The following ST6GALNAC3 variants were observed in gnomAD, a reference collection of about 807,000 sequenced individuals.
The protein encoded by ST6GALNAC3 is ST6 N-acetylgalactosaminide alpha-2,6-sialyltransferase 3, also known as alpha-N-acetylgalactosaminide alpha-2,6-sialyltransferase 3.
Under a neutral mutation model 32.7 loss-of-function variants are expected in ST6GALNAC3, and 25 were observed. The ratio of observed to expected loss-of-function variants is 0.76; its 90% confidence interval spans 0.56 to 1.07. The LOEUF is 1.07. Ranked by LOEUF, ST6GALNAC3 falls within the 50% of genes least tolerant of loss-of-function variation. ST6GALNAC3 has a pLI of 0.00. For missense variants in ST6GALNAC3, 355 were observed against 382.4 expected (o/e 0.93, Z 0.60); for synonymous variants, 129 against 133.1 (o/e 0.97, Z 0.21).
chr1:76,231,589 T>C (rs140976537), intron 1 of ST6GALNAC3, among the ~76,000 whole-genome samples: 1 of 152,342 alleles, frequency 6.6e-6, no homozygotes, highest in African/African-American at 2.4e-5. Flanking sequence ...AGTGAAATCA[T>C]GCTATATCTT....
chr1:76,547,957 T>C (rs1338788452), intron 3 of ST6GALNAC3, among the ~76,000 whole-genome samples: 3 of 151,924 alleles, frequency 2.0e-5, no homozygotes, highest in African/African-American at 4.8e-5. Context: ...AACAGCCAGC[T>C]CCCCTTGCTT....
intron 1 of ST6GALNAC3, among the ~76,000 whole-genome samples, chr1:76,160,463 T>C (rs1247686662): frequency 6.6e-6 from 1 of 152,180 alleles, no homozygotes; most frequent in African/African-American, 2.4e-5. Context: ...GATGTGGCAG[T>C]AGAAGTGCTG....
intron 1 of ST6GALNAC3, among the ~76,000 whole-genome samples, chr1:76,154,129 A>G (rs1228398794): frequency 6.6e-6 from 1 of 152,112 alleles, no homozygotes; most frequent in Non-Finnish European, 1.5e-5. Context: ...CACCCCTGGA[A>G]TTTTCTCTTG....
chr1:76,139,063 A>G (rs1002711697), intron 1 of ST6GALNAC3, among the ~76,000 whole-genome samples: 9 of 152,116 alleles, frequency 5.9e-5, no homozygotes, highest in Non-Finnish European at 1.2e-4. Flanking sequence ...GCGTGGTGGC[A>G]GACGCCTGTA....
intron 1 of ST6GALNAC3, among the ~76,000 whole-genome samples, chr1:76,248,843 A>T (rs1657455147): frequency 6.6e-6 from 1 of 151,252 alleles, no homozygotes; most frequent in South Asian, 2.1e-4. Context: ...TGGAAAGAGG[A>T]TGACACATTA....
At chr1:76,326,663 A>T (rs4949706) in intron 2 of ST6GALNAC3, among the ~76,000 whole-genome samples, 57,337 of 151,642 alleles carry the variant, frequency 0.38, 13,430 homozygotes, top group East Asian at 0.85. Flanking sequence ...TGTTTGCTAA[A>T]CTGTTATTCA....
At chr1:76,159,479 C>G (rs191275099) in intron 1 of ST6GALNAC3, among the ~76,000 whole-genome samples, 3 of 152,218 alleles carry the variant, frequency 2.0e-5, no homozygotes, top group Admixed American at 6.5e-5. Flanking sequence ...CCACCGCACC[C>G]GGTCTGGGCC....
At chr1:76,249,908 A>G (rs576046368) in intron 1 of ST6GALNAC3, among the ~76,000 whole-genome samples, 1 of 152,174 alleles carries the variant, frequency 6.6e-6, no homozygotes, top group East Asian at 1.9e-4. Flanking sequence ...TAATCTTTGG[A>G]TGAATGCATA....
At chr1:76,625,241 A>G (rs1648892668) in intron 3 of ST6GALNAC3, among the ~76,000 whole-genome samples, 1 of 151,938 alleles carries the variant, frequency 6.6e-6, no homozygotes, top group Non-Finnish European at 1.5e-5. Context: ...ATGTACTCTT[A>G]AGAAAATATT....
At chr1:76,080,719 A>C (rs761032941) in intron 1 of ST6GALNAC3, among the ~76,000 whole-genome samples, 1 of 152,192 alleles carries the variant, frequency 6.6e-6, no homozygotes, top group Non-Finnish European at 1.5e-5. Context: ...AAGCATTTGA[A>C]AACAGTATGG....
chr1:76,568,516 C>T (rs971592385), intron 3 of ST6GALNAC3, among the ~76,000 whole-genome samples: 2 of 152,208 alleles, frequency 1.3e-5, no homozygotes, highest in South Asian at 4.1e-4. Context: ...CCTGTGTAGT[C>T]GAATTGCAAT....
At chr1:76,317,190 C>G (rs2893412) in intron 2 of ST6GALNAC3, among the ~76,000 whole-genome samples, 20,774 of 152,140 alleles carry the variant, frequency 0.14, 1,675 homozygotes, top group Middle Eastern at 0.21. Context: ...TACCACCCTT[C>G]TCAATGATTT....
chr1:76,307,936 A>G (rs751879668), intron 1 of ST6GALNAC3: 3 of 514,450 alleles, frequency 5.8e-6, no homozygotes, highest in African/African-American at 1.9e-5. Flanking sequence ...CACTCTAAAG[A>G]GCAAGCAGCT....
chr1:76,329,201 T>G (rs1647139237), intron 2 of ST6GALNAC3, among the ~76,000 whole-genome samples: 1 of 152,196 alleles, frequency 6.6e-6, no homozygotes, highest in Non-Finnish European at 1.5e-5. Flanking sequence ...TGAGCCACCT[T>G]GACATTTCTC....
intron 1 of ST6GALNAC3, among the ~76,000 whole-genome samples, chr1:76,199,746 C>CAATGCTG (rs1485328723): frequency 6.6e-6 from 1 of 152,178 alleles, no homozygotes; most frequent in Non-Finnish European, 1.5e-5. Context: ...AAAAATTCAG[C>CAATGCTG]AATAGTTTCA....
chr1:76,193,257 C>A lies in ST6GALNAC3; in HGVS notation c.18+118373C>A, dbSNP rs115401186. Among the ~76,000 whole-genome samples, 821 of 152,264 alleles carry A rather than the reference C, an allele frequency of 5.4e-3. 9 individuals are homozygous for A. The highest frequency in any genetic ancestry group is 0.018 in the African/African-American group (758 of 41,554). ...CATGTGTAGCCACCCCACTTCCAGT[C>A]TACATTGGGGACCCCCACCATTAGA... is the stretch of plus-strand genomic sequence containing the variant. On this transcript the variant is annotated intron_variant, in intron 1 of 4. Coordinates refer to ENST00000328299, the MANE Select transcript of ST6GALNAC3 (RefSeq NM_152996.4).
chr1:76,153,042 T>C (rs1056015270), intron 1 of ST6GALNAC3, among the ~76,000 whole-genome samples: 5 of 152,224 alleles, frequency 3.3e-5, no homozygotes, highest in Non-Finnish European at 5.9e-5. Context: ...TTTGAAGATA[T>C]TGGATACAAC....
chr1:76,313,930 A>G lies in ST6GALNAC3; in HGVS notation c.144A>G (p.Ile48Met), dbSNP rs537911856. Residue 48 changes from isoleucine (I) to methionine (M), a missense_variant, in exon 2 of 5, where the codon ATA (isoleucine) becomes ATG (methionine). By Grantham distance (10) the Ile-to-Met change is conservative. Coordinates refer to ENST00000328299, the MANE Select transcript of ST6GALNAC3 (RefSeq NM_152996.4). Reference protein sequence around the residue: ...NCFGQPGTKWIPFSYTYRRPL... With the variant: ...NCFGQPGTKWMPFSYTYRRPL... ...TTGGACAACCTGGTACAAAGTGGAT[A>G]CCATTCTCCTACACATACAGGCGGC... 365 of 1,613,512 alleles carry G rather than the reference A, an allele frequency of 2.3e-4. No homozygotes were observed. The highest frequency in any genetic ancestry group is 3.8e-4 in the East Asian group (17 of 44,858).
intron 3 of ST6GALNAC3, among the ~76,000 whole-genome samples, chr1:76,578,936 A>T (rs435004): frequency 0.085 from 12,857 of 152,024 alleles, 1,032 homozygotes; most frequent in East Asian, 0.25. Context: ...GGACATACAT[A>T]TATTCTACAC....
Sources: allele counts gnomAD v4.1 joint callset (sites outside exome capture counted in the v4.1 genomes callset), GRCh38; gene constraint gnomAD v4.1.1; transcripts MANE v1.5; gene names NCBI Gene and HGNC (gene_info 2026-07-23, HGNC 2026-07-21).